PTPRD: variants seen among roughly 807,000 people sequenced by gnomAD.
PTPRD encodes protein tyrosine phosphatase receptor type D.
A neutral mutation model predicts 214.5 loss-of-function variants in PTPRD; 34 were observed. That is an observed-to-expected ratio of 0.16 (90% confidence interval 0.12 to 0.21). The LOEUF (loss-of-function observed/expected upper bound fraction) is 0.21, where lower values mean the gene tolerates loss of function less well. PTPRD is among the 10% of genes least tolerant of loss of function. The pLI is 1.00. For missense variants in PTPRD, 2,545 were observed against 2,398.7 expected (o/e 1.06, Z -1.27); for synonymous variants, 1,128 against 845.7 (o/e 1.33, Z -5.79).
At chr9:10,523,578 A>G (rs1317692509) in intron 2 of PTPRD, among the ~76,000 whole-genome samples, 1 of 63,302 alleles carries the variant, frequency 1.6e-5, no homozygotes, top group African/African-American at 5.3e-5. Flanking sequence ...AATACCCCCA[A>G]TATTTTTCAA....
intron 11 of PTPRD, among the ~76,000 whole-genome samples, chr9:8,764,668 G>A (rs2094596730): frequency 6.6e-6 from 1 of 151,958 alleles, no homozygotes; most frequent in Non-Finnish European, 1.5e-5. Context: ...AGTGGTGCGT[G>A]CCTGTAATCC....
intron 3 of PTPRD, among the ~76,000 whole-genome samples, chr9:10,210,942 T>C (rs1339860404): frequency 6.6e-6 from 1 of 150,394 alleles, no homozygotes; most frequent in Non-Finnish European, 1.5e-5. Flanking sequence ...TTCCATAAAA[T>C]TCACCTATAC....
At chr9:8,927,393 G>A (rs1168150977) in intron 11 of PTPRD, among the ~76,000 whole-genome samples, 1 of 151,962 alleles carries the variant, frequency 6.6e-6, no homozygotes, top group Non-Finnish European at 1.5e-5. Context: ...GGTGTGTGAC[G>A]TTCCCCTCCC....
At chr9:8,934,886 A>T (rs2098986105) in intron 11 of PTPRD, among the ~76,000 whole-genome samples, 1 of 151,930 alleles carries the variant, frequency 6.6e-6, no homozygotes, top group Admixed American at 6.6e-5. Context: ...TGCCTGTCTT[A>T]TTTCACTTAG....
intron 21 of PTPRD, among the ~76,000 whole-genome samples, chr9:8,508,612 G>A (rs1364556512): frequency 1.3e-5 from 2 of 151,850 alleles, no homozygotes; most frequent in Non-Finnish European, 2.9e-5. Flanking sequence ...TCATAGCAGA[G>A]GAGTAAAAAA....
chr9:8,960,660 C>A (rs942811635), intron 11 of PTPRD, among the ~76,000 whole-genome samples: 2 of 152,130 alleles, frequency 1.3e-5, no homozygotes, highest in African/African-American at 4.8e-5. Flanking sequence ...ACTCTTCAGT[C>A]TGTGGGAGAA....
chr9:10,441,047 C>G (rs2098754918), intron 2 of PTPRD, among the ~76,000 whole-genome samples: 1 of 151,712 alleles, frequency 6.6e-6, no homozygotes, highest in Non-Finnish European at 1.5e-5. Context: ...TCTCAAATTT[C>G]TAAAGCTATA....
intron 3 of PTPRD, among the ~76,000 whole-genome samples, chr9:10,146,244 CATACATACATACATAT>C (rs1393287407): frequency 1.3e-5 from 2 of 151,478 alleles, no homozygotes; most frequent in African/African-American, 2.4e-5. Context: ...TCCATCCATG[CATACATACATACATAT>C]ATACATACAT....
intron 10 of PTPRD, among the ~76,000 whole-genome samples, chr9:9,137,640 A>G (rs1231060282): frequency 3.3e-5 from 5 of 152,180 alleles, no homozygotes; most frequent in Non-Finnish European, 7.4e-5. Context: ...TAAACAAATT[A>G]GTTTATTTAC....
chr9:9,931,709 C>A (rs1224077501), intron 5 of PTPRD, among the ~76,000 whole-genome samples: 1 of 151,678 alleles, frequency 6.6e-6, no homozygotes, highest in African/African-American at 2.4e-5. Flanking sequence ...GAAGCTCGAA[C>A]TGGGTGGAGT....
intron 3 of PTPRD, among the ~76,000 whole-genome samples, chr9:10,151,798 T>C (rs1476792241): frequency 6.6e-6 from 1 of 152,190 alleles, no homozygotes; most frequent in Admixed American, 6.5e-5. Context: ...ATCTGTTTTC[T>C]GTCGCTGTGG....
At chr9:8,633,284 G>A (rs1476050583) in intron 14 of PTPRD, 33 bp downstream of exon 14, 2 of 1,600,330 alleles carry the variant, frequency 1.2e-6, no homozygotes, top group East Asian at 4.5e-5. Flanking sequence ...TTGTAACAAT[G>A]ACACAAACGA....
chr9:9,021,098 T>A (rs752494466), intron 10 of PTPRD, among the ~76,000 whole-genome samples: 3 of 152,186 alleles, frequency 2.0e-5, no homozygotes, highest in Non-Finnish European at 4.4e-5. Flanking sequence ...AATGTCTAAT[T>A]ATTTAAGAGG....
intron 12 of PTPRD, among the ~76,000 whole-genome samples, chr9:8,639,144 A>G (rs1354132029): frequency 6.6e-6 from 1 of 152,194 alleles, no homozygotes; most frequent in African/African-American, 2.4e-5. Flanking sequence ...CCCGGCCTCA[A>G]AATAATTTAA....
intron 10 of PTPRD, among the ~76,000 whole-genome samples, chr9:9,174,920 G>A (rs2099923708): frequency 6.6e-6 from 1 of 152,064 alleles, no homozygotes; most frequent in African/African-American, 2.4e-5. Flanking sequence ...GAATTATGAA[G>A]TGGGGCCATT....
chr9:9,877,843 C>T (rs2067325332), intron 5 of PTPRD, among the ~76,000 whole-genome samples: 1 of 151,886 alleles, frequency 6.6e-6, no homozygotes, highest in African/African-American at 2.4e-5. Context: ...CACGGTGGCC[C>T]ATGCCTGTAA....
chr9:9,850,359 CTTG>C (rs1179380146), intron 5 of PTPRD, among the ~76,000 whole-genome samples: 1 of 151,916 alleles, frequency 6.6e-6, no homozygotes, highest in Admixed American at 6.6e-5. Context: ...AATGTTTGTT[CTTG>C]TTATTATTAG....
In PTPRD at chr9:10,575,792, G is replaced by A. The variant is rs7039355; in HGVS notation, c.-600+36606C>T. ...TCTCTCTTCCCCACATATTTTTTCTGTTCCTCTCCCCAACCCTTTCTCTCC... is the reference window on the plus strand; with the variant it reads ...TCTCTCTTCCCCACATATTTTTTCTATTCCTCTCCCCAACCCTTTCTCTCC... On this transcript the variant is annotated intron_variant, in intron 2 of 45. Coordinates refer to ENST00000381196, the MANE Select transcript of PTPRD (RefSeq NM_002839.4). Among the ~76,000 whole-genome samples, 924 of 151,904 alleles carry A rather than the reference G, an allele frequency of 6.1e-3. 14 individuals are homozygous for A. Among genetic ancestry groups the A allele is most frequent in the African/African-American group, 0.021 (871 of 41,470 alleles).
intron 5 of PTPRD, among the ~76,000 whole-genome samples, chr9:9,868,296 A>G (rs998976334): frequency 6.6e-5 from 10 of 152,316 alleles, no homozygotes; most frequent in African/African-American, 2.4e-4. Context: ...TATAATTAAT[A>G]TAATAATAAT....
Sources: gnomAD v4.1 joint callset for allele counts (sites outside exome capture counted in the v4.1 genomes callset) on GRCh38, gnomAD v4.1.1 for gene constraint, MANE v1.5 for transcripts, NCBI Gene and HGNC (gene_info 2026-07-23, HGNC 2026-07-21) for gene names.